The following PDGFRL variants were observed in gnomAD, a reference collection of about 807,000 sequenced individuals.
The protein encoded by PDGFRL is platelet-derived growth factor receptor-like protein.
A neutral mutation model predicts 37.2 loss-of-function variants in PDGFRL; 46 were observed. The ratio of observed to expected loss-of-function variants is 1.24; its 90% CI spans 0.98 to 1.58. The LOEUF (loss-of-function observed/expected upper bound fraction) is 1.58, where lower values mean the gene tolerates loss of function less well. Ranked by LOEUF, PDGFRL falls within the 40% of genes most tolerant of loss-of-function variation. The pLI is 0.00. For synonymous variants in PDGFRL, 251 were observed against 184.3 expected, an observed-to-expected ratio of 1.36 and a Z score of -2.93; for missense variants, 692 against 467.6, an observed-to-expected ratio of 1.48 and a Z score of -4.43.
At chr8:17,621,029 T>C in intron 2 of PDGFRL, 22 bp from the exon 3 acceptor site, 1 of 1,571,948 alleles carries the variant, frequency 6.4e-7, no homozygotes, top group Non-Finnish European at 8.7e-7. Flanking sequence ...TTGCTTTGAG[T>C]TCATGTGTCT....
intron 2 of PDGFRL, among the ~76,000 whole-genome samples, chr8:17,619,053 T>C (rs1242264502): frequency 4.6e-5 from 7 of 152,200 alleles, no homozygotes; most frequent in African/African-American, 1.4e-4. Context: ...AGAACAGGGC[T>C]GCGTTCAGGA....
At position 17,589,661 on chromosome 8, in the gene PDGFRL, C is replaced by T; in HGVS notation, c.249C>T (p.Thr83=). 1.2e-6 allele frequency: 2 copies of T among 1,613,252 alleles called. No individual in the cohort carries two copies. The highest frequency in any genetic ancestry group is 1.7e-6 in the Non-Finnish European group (2 of 1,179,236). ...GTCGCTTCCAGAAACCCGCCGCTAC[C>T]CTGAGTCTGCTGGCGGGGCAAACTG... ...DKGRFQKPAA[T]LSLLAGQTVE... The change falls in exon 2 of 6, where the codon ACC becomes ACT. Residue 83 remains threonine, a synonymous_variant. Coordinates refer to ENST00000251630, the MANE Select transcript of PDGFRL (RefSeq NM_001372073.1).
chr8:17,639,416 A>G (rs141087271), intron 5 of PDGFRL, among the ~76,000 whole-genome samples: 2,271 of 152,174 alleles, frequency 0.015, 47 homozygotes, highest in African/African-American at 0.051. Flanking sequence ...GTGTATTTCA[A>G]GGATTTGTTT....
In PDGFRL at chr8:17,589,518, A is replaced by T. The variant is rs767427888; in HGVS notation, c.106A>T (p.Asn36Tyr). The change falls in exon 2 of 6, where the codon AAT (asparagine) becomes TAT (tyrosine). Residue 36 changes from asparagine to tyrosine, a missense_variant. Asn to Tyr is a moderately radical substitution (Grantham distance 143). Transcript: ENST00000251630. ...KNKRPKEPGE[N>Y]RIKPTNKKVK... is the part of the protein sequence containing the mutation. ...CAAGCGTCCAAAAGAACCAGGAGAGAATAGAATCAAACCTACCAACAAGAA... is the reference window on the plus strand; with the variant it reads ...CAAGCGTCCAAAAGAACCAGGAGAGTATAGAATCAAACCTACCAACAAGAA... 1.9e-6 allele frequency: 3 copies of T among 1,614,096 alleles called. No homozygotes were observed. Among genetic ancestry groups the T allele is most frequent in the African/African-American group, 2.7e-5 (2 of 75,068 alleles).
At chr8:17,623,400 A>C (rs557893395) in intron 3 of PDGFRL, among the ~76,000 whole-genome samples, 12 of 152,340 alleles carry the variant, frequency 7.9e-5, no homozygotes, top group African/African-American at 2.9e-4. Context: ...GCTGTGAAGC[A>C]ACAGTGGAAA....
intron 5 of PDGFRL, among the ~76,000 whole-genome samples, chr8:17,636,747 G>C (rs918276799): frequency 6.6e-6 from 1 of 152,134 alleles, no homozygotes; most frequent in Admixed American, 6.5e-5. Context: ...CCATCCATGA[G>C]CATGCGATGT....
chr8:17,609,654 A>AAAG (rs1804364476), intron 2 of PDGFRL, among the ~76,000 whole-genome samples: 3 of 102,352 alleles, frequency 2.9e-5, no homozygotes, highest in Non-Finnish European at 6.4e-5. Flanking sequence ...AAAAAAAAAA[A>AAAG]AAAAAAAAAA....
intron 2 of PDGFRL, among the ~76,000 whole-genome samples, chr8:17,606,817 G>T (rs1804287722): frequency 6.6e-6 from 1 of 151,934 alleles, no homozygotes; most frequent in African/African-American, 2.4e-5. Context: ...ATATCGGTGA[G>T]CTATTTCTGT....
At chr8:17,595,676 G>A (rs989066997) in intron 2 of PDGFRL, among the ~76,000 whole-genome samples, 9 of 152,308 alleles carry the variant, frequency 5.9e-5, no homozygotes, top group African/African-American at 1.7e-4. Context: ...CCTACTACCC[G>A]CCCCTTTTTC....
At chr8:17,614,676 T>C (rs1804488216) in intron 2 of PDGFRL, among the ~76,000 whole-genome samples, 1 of 152,222 alleles carries the variant, frequency 6.6e-6, no homozygotes, top group Non-Finnish European at 1.5e-5. Flanking sequence ...GCTCCCAGGC[T>C]CAAGTGATCA....
At chr8:17,576,600 C>G (rs1254911674), upstream of PDGFRL, 2 of 381,106 alleles carry the variant, frequency 5.2e-6, no homozygotes, top group African/African-American at 4.4e-5. Flanking sequence ...TCTCCTGCCT[C>G]ACCACCAGAG....
upstream of PDGFRL, chr8:17,576,628 A>G (rs1024589558): frequency 2.5e-5 from 17 of 681,818 alleles, no homozygotes; most frequent in Non-Finnish European, 3.1e-5. Flanking sequence ...TTGTCTGCAC[A>G]GTCTCATTTT....
chr8:17,640,810 G>C (rs985097850), intron 5 of PDGFRL, among the ~76,000 whole-genome samples: 3 of 152,276 alleles, frequency 2.0e-5, no homozygotes, highest in South Asian at 4.1e-4. Context: ...GGGAGGATCA[G>C]GTGGTGGGCA....
rs756196853 is a variant in PDGFRL, at chr8:17,589,459, G to A, written c.56-9G>A. The A allele has an allele frequency of 2.6e-5, 42 of 1,605,502 alleles. No individual in the cohort carries two copies. Among genetic ancestry groups the A allele is most frequent in the Middle Eastern group, 1.7e-4 (1 of 5,896 alleles). On this transcript the variant is annotated splice_polypyrimidine_tract_variant and intron_variant, in intron 1 of 5. Transcript: ENST00000251630. ...CTACAGCGCATTTCTCTCTCCTTACGTTTTGCAGTTACTGGCCAACACCTT... is the reference window on the plus strand; with the variant it reads ...CTACAGCGCATTTCTCTCTCCTTACATTTTGCAGTTACTGGCCAACACCTT...
chr8:17,578,075 TGTG>T (rs1258874969), intron 1 of PDGFRL, among the ~76,000 whole-genome samples: 36 of 151,890 alleles, frequency 2.4e-4, no homozygotes, highest in Non-Finnish European at 2.9e-5. Context: ...TGTGTATTAC[TGTG>T]GTGTGTATTA....
intron 4 of PDGFRL, among the ~76,000 whole-genome samples, chr8:17,633,674 C>T (rs905068345): frequency 7.2e-5 from 11 of 152,190 alleles, no homozygotes; most frequent in East Asian, 3.9e-4. Flanking sequence ...TCGTCTTCTG[C>T]GGATGGTCAG....
chr8:17,641,023 G>T (rs574677748), intron 5 of PDGFRL, among the ~76,000 whole-genome samples: 325 of 152,164 alleles, frequency 2.1e-3, no homozygotes, highest in Non-Finnish European at 3.8e-3. Flanking sequence ...TGGCTGCTCT[G>T]CTGTGTCATG....
chr8:17,598,976 C>T (rs1356373330), intron 2 of PDGFRL, among the ~76,000 whole-genome samples: 3 of 152,200 alleles, frequency 2.0e-5, no homozygotes, highest in Non-Finnish European at 4.4e-5. Flanking sequence ...AACTTCTTTC[C>T]TTTATACATT....
At chr8:17,628,110 C>G (rs1384827785) in intron 3 of PDGFRL, among the ~76,000 whole-genome samples, 1 of 149,976 alleles carries the variant, frequency 6.7e-6, no homozygotes, top group Non-Finnish European at 1.5e-5. Context: ...TTTCCTGCCT[C>G]AGCCTCCCGA....
Sources: gnomAD v4.1 joint callset for allele counts (sites outside exome capture counted in the v4.1 genomes callset) on GRCh38, gnomAD v4.1.1 for gene constraint, MANE v1.5 for transcripts, NCBI Gene and HGNC (gene_info 2026-07-23, HGNC 2026-07-21) for gene names.